POP1: variants seen among roughly 807,000 people sequenced by gnomAD.
The protein encoded by POP1 is POP1 ribonuclease P/MRP subunit, also known as ribonucleases P/MRP protein subunit POP1.
In POP1, 75 loss-of-function variants were observed where a neutral mutation model predicts 102.2. That is an observed-to-expected ratio of 0.73 (90% CI 0.61 to 0.89). The LOEUF is 0.89. Ranked by LOEUF, POP1 falls within the 40% of genes least tolerant of loss-of-function variation. The pLI, the probability that POP1 is intolerant of heterozygous loss-of-function variation, is 0.00. For missense variants in POP1, 1,116 were observed against 1,267.4 expected, an observed-to-expected ratio of 0.88 and a Z score of 1.81; for synonymous variants, 436 against 464.1, an observed-to-expected ratio of 0.94 and a Z score of 0.78.
chr8:98,127,489 A>G (rs1816242038), intron 2 of POP1, 106 bp from the exon 3 acceptor site: 5 of 1,349,322 alleles, frequency 3.7e-6, no homozygotes, highest in Admixed American at 1.8e-5. Flanking sequence ...CAGGGTGACT[A>G]TAGGATTAAA....
chr8:98,153,025 A>G (rs1364195484), intron 14 of POP1, among the ~76,000 whole-genome samples: 1 of 152,162 alleles, frequency 6.6e-6, no homozygotes, highest in Admixed American at 6.6e-5. Context: ...GCTGGAGTGC[A>G]GTGGTGCGAT....
At position 98,157,923 on chromosome 8, in the gene POP1, G is replaced by GAA; in HGVS notation, c.2729_2730dup (p.Gln911AsnfsTer34). 6.2e-7 allele frequency: 1 copy of GAA among 1,614,180 alleles called. No homozygotes were observed. Among genetic ancestry groups the GAA allele is most frequent in the Non-Finnish European group, 8.5e-7 (1 of 1,180,050 alleles). On this transcript the variant is annotated frameshift_variant, in exon 16 of 16. Transcript: ENST00000401707. LOFTEE classifies it low-confidence loss of function (END_TRUNC). ...GTGACCCATTCAGGAGCAAGATCCT[G>GAA]AAACAGAAAGAGAAGAAGAAAAGGG...
chr8:98,130,560 A>T (rs1356253855), intron 5 of POP1, among the ~76,000 whole-genome samples: 3 of 152,050 alleles, frequency 2.0e-5, no homozygotes, highest in African/African-American at 7.2e-5. Context: ...GAGAGGGGGA[A>T]GGCAGAAGGA....
At chr8:98,133,881 TTTGGCTTC>T in intron 5 of POP1, 60 bp from the exon 6 acceptor site, 1 of 1,177,276 alleles carries the variant, frequency 8.5e-7, no homozygotes, top group Middle Eastern at 1.9e-4. Flanking sequence ...TGATACGGCT[TTTGGCTTC>T]TTAGCAGTTT....
intron 2 of POP1, 75 bp downstream of exon 2, chr8:98,123,554 G>A (rs1451097076): frequency 5.1e-6 from 7 of 1,362,946 alleles, no homozygotes; most frequent in Admixed American, 1.9e-5. Context: ...TGAAGTGGGC[G>A]GTTCATGAGG....
rs1434525170 is a variant in POP1 at position 98,136,545 on chromosome 8, A to G, written c.1075A>G (p.Ile359Val). 9 of 1,613,944 alleles carry G rather than the reference A, an allele frequency of 5.6e-6. No individual in the cohort carries two copies. Among genetic ancestry groups the G allele is most frequent in the South Asian group, 1.1e-5 (1 of 91,078 alleles). The stretch of plus-strand genomic sequence containing the variant: ...GGAACCCATCAAATCAGCTGTCTGC[A>G]TCGCTGACCCACTTCCAACACCATC... ...CVEPIKSAVCIADPLPTPSQE... is the reference protein window; with the variant it reads ...CVEPIKSAVCVADPLPTPSQE... The change falls in exon 8 of 16, where the codon ATC (isoleucine) becomes GTC (valine). Residue 359 changes from isoleucine (I) to valine (V), a missense_variant. Transcript: ENST00000401707.
Position 98,156,333 on chromosome 8 carries a change from G to T in POP1, c.2341G>T (p.Ala781Ser). 1 of 1,614,076 alleles carries T rather than the reference G, an allele frequency of 6.2e-7. No individual in the cohort carries two copies. The highest frequency in any genetic ancestry group is 8.5e-7 in the Non-Finnish European group (1 of 1,180,014). Residue 781 changes from alanine (A) to serine (S), a missense_variant, in exon 15 of 16, where the codon GCA becomes TCA. Physicochemically the swap from Ala to Ser is moderately conservative, Grantham distance 99. Coordinates refer to ENST00000401707, the MANE Select transcript of POP1 (RefSeq NM_001145860.2). ...AATGGATGCAGGGTGTCAAGAATCG[G>T]CAGGGCCTGAGAGGATCACAGACCA... ...EVMDAGCQESAGPERITDQEA... is the reference protein window; with the variant it reads ...EVMDAGCQESSGPERITDQEA...
At chr8:98,142,400 T>C (rs924426203) in intron 11 of POP1, among the ~76,000 whole-genome samples, 3 of 152,226 alleles carry the variant, frequency 2.0e-5, no homozygotes, top group Admixed American at 6.5e-5. Flanking sequence ...AATGAAGTGA[T>C]AATGCATATT....
At chr8:98,147,662 A>T (rs1809391825) in intron 12 of POP1, among the ~76,000 whole-genome samples, 1 of 152,068 alleles carries the variant, frequency 6.6e-6, no homozygotes, top group African/African-American at 2.4e-5. Context: ...TCTAGGTATG[A>T]CATAATGGGG....
chr8:98,119,681 C>T (rs945574316), intron 1 of POP1, among the ~76,000 whole-genome samples: 4 of 152,020 alleles, frequency 2.6e-5, no homozygotes, highest in African/African-American at 4.8e-5. Flanking sequence ...CTGTCTCAAG[C>T]GATCTTCCCA....
intron 2 of POP1, among the ~76,000 whole-genome samples, 158 bp from the exon 3 acceptor site, chr8:98,127,437 C>T (rs190133926): frequency 1.3e-4 from 20 of 152,272 alleles, no homozygotes; most frequent in Non-Finnish European, 2.5e-4. Context: ...CACCTTCCTA[C>T]GTAAGATTCC....
intron 15 of POP1, among the ~76,000 whole-genome samples, chr8:98,157,015 C>A (rs752455857): frequency 2.0e-5 from 3 of 151,382 alleles, no homozygotes; most frequent in Non-Finnish European, 2.9e-5. Flanking sequence ...GATTCTCCTG[C>A]CTCAGCCTCC....
chr8:98,123,498 A>T lies in POP1; in HGVS notation c.142+19A>T. 3.1e-6 allele frequency: 5 copies of T among 1,611,040 alleles called. No individual in the cohort carries two copies. Among genetic ancestry groups the T allele is most frequent in the Non-Finnish European group, 4.2e-6 (5 of 1,178,120 alleles). ...AAACAAGGTAAAATACACATAAGAG[A>T]CCAGGCATGGTGGCTCACGCCTGTA... is the stretch of plus-strand genomic sequence containing the variant. On this transcript the variant is annotated intron_variant, in intron 2 of 15. Transcript: ENST00000401707.
chr8:98,151,740 CTTTT>C (rs755019200), intron 14 of POP1, among the ~76,000 whole-genome samples: 1 of 112,926 alleles, frequency 8.9e-6, no homozygotes, highest in Non-Finnish European at 1.7e-5. Context: ...GCCTGGCTTG[CTTTT>C]TTTTTTTTTT....
At chr8:98,117,498 A>T in intron 1 of POP1, 108 bp downstream of exon 1, 1 of 212,768 alleles carries the variant, frequency 4.7e-6, no homozygotes, top group Non-Finnish European at 9.7e-6. Flanking sequence ...TCTCTCTCAG[A>T]CTCCGCTGAC....
Position 98,128,498 on chromosome 8 carries a change from C to CA in POP1, c.447dup (p.Arg150ThrfsTer28). On this transcript the variant is annotated frameshift_variant, in exon 4 of 16. Transcript: ENST00000401707. LOFTEE classifies it high-confidence loss of function. ...GACGAAGAGCCATGAGCCACAACGT[C>CA]AAACGCCTTCCCAGACGGTTACAGG... is the stretch of plus-strand genomic sequence containing the variant. The CA allele has an allele frequency of 6.2e-7, 1 of 1,613,976 alleles. No homozygotes were observed. Among genetic ancestry groups the CA allele is most frequent in the Non-Finnish European group, 8.5e-7 (1 of 1,179,880 alleles).
Position 98,157,897 on chromosome 8 carries a change from A to G in POP1, c.2701A>G (p.Ser901Gly), listed in dbSNP as rs776592814. 10 of 1,614,160 alleles carry G rather than the reference A, an allele frequency of 6.2e-6. No individual in the cohort carries two copies. The highest frequency in any genetic ancestry group is 6.8e-6 in the Non-Finnish European group (8 of 1,179,976). Reference sequence around the variant, plus strand: ...CTGTGGGCCCCAGGAATCCAAACACAGTGACCCATTCAGGAGCAAGATCCT... The same window carrying G: ...CTGTGGGCCCCAGGAATCCAAACACGGTGACCCATTCAGGAGCAAGATCCT... Reference protein sequence around the residue: ...HYCGPQESKHSDPFRSKILKQ... With the variant: ...HYCGPQESKHGDPFRSKILKQ... The change falls in exon 16 of 16, where the codon AGT (serine) becomes GGT (glycine). Residue 901 changes from serine (S) to glycine (G), a missense_variant. Physicochemically the swap from Ser to Gly is moderately conservative, Grantham distance 56. Coordinates refer to ENST00000401707, the MANE Select transcript of POP1 (RefSeq NM_001145860.2).
intron 11 of POP1, among the ~76,000 whole-genome samples, chr8:98,145,128 A>G (rs1026645559): frequency 3.3e-5 from 5 of 152,178 alleles, no homozygotes; most frequent in African/African-American, 1.2e-4. Context: ...AGCTGAAGCA[A>G]TCTGCCTGCC....
chr8:98,124,840 T>C (rs115961914), intron 2 of POP1, among the ~76,000 whole-genome samples: 1 of 152,198 alleles, frequency 6.6e-6, no homozygotes, highest in Non-Finnish European at 1.5e-5. Flanking sequence ...TAGAACCTTA[T>C]GAAGTGATAG....
Sources: gnomAD v4.1 joint callset for allele counts (sites outside exome capture counted in the v4.1 genomes callset) on GRCh38, gnomAD v4.1.1 for gene constraint, MANE v1.5 for transcripts, NCBI Gene and HGNC (gene_info 2026-07-23, HGNC 2026-07-21) for gene names.